DACH1: variants seen among roughly 807,000 people sequenced by gnomAD.
The protein encoded by DACH1 is dachshund homolog 1.
DACH1 carries 12 observed loss-of-function variants against 54.2 expected under a neutral mutation model. The observed-to-expected ratio is 0.22, with a 90% CI of 0.14 to 0.36. The LOEUF (loss-of-function observed/expected upper bound fraction) is 0.36, where lower values mean the gene tolerates loss of function less well. Among genes scored for constraint, DACH1 ranks in the 10% least tolerant of loss-of-function variants. The pLI is 1.00. For missense variants in DACH1, 805 were observed against 929.8 expected (o/e 0.87, Z 1.75); for synonymous variants, 386 against 366.2 (o/e 1.05, Z -0.62).
At position 71,848,206 on chromosome 13, in the gene DACH1, TC is replaced by T. The variant is rs542162367; in HGVS notation, c.848+17715del. Among the ~76,000 whole-genome samples, 896 of 122,156 alleles carry T rather than the reference TC, an allele frequency of 7.3e-3. 6 individuals are homozygous for T. The highest frequency in any genetic ancestry group is 0.031 in the African/African-American group (814 of 26,092). 80.1% of individuals were successfully genotyped at this position (122,156 alleles called of 152,430 possible). A position where few individuals can be genotyped will look rare whatever the true frequency, so the allele number is the denominator to read the frequency against. ...GTTACCATAGATACTGAAGCCATTA[TC>T]CCCCCCCAAAAAAATGGTATTTTTT... On this transcript the variant is annotated intron_variant, in intron 1 of 10. Coordinates refer to ENST00000613252, the MANE Select transcript of DACH1 (RefSeq NM_080759.6).
At chr13:71,627,335 C>CAAAAAAAAAA (rs1221837020) in intron 3 of DACH1, among the ~76,000 whole-genome samples, 1 of 70,104 alleles carries the variant, frequency 1.4e-5, no homozygotes, top group African/African-American at 4.4e-5. Flanking sequence ...AACGCTCTTA[C>CAAAAAAAAAA]AAAAAAAAAA....
At chr13:71,660,941 T>C (rs1879443184) in intron 2 of DACH1, among the ~76,000 whole-genome samples, 1 of 150,460 alleles carries the variant, frequency 6.6e-6, no homozygotes, top group Non-Finnish European at 1.5e-5. Flanking sequence ...TAACACTCTT[T>C]AGAGAGTATT....
intron 6 of DACH1, among the ~76,000 whole-genome samples, chr13:71,511,510 T>A (rs535941994): frequency 8.0e-4 from 121 of 152,030 alleles, no homozygotes; most frequent in African/African-American, 2.9e-3. Context: ...ATTTGTTTTA[T>A]TTACTAGAAA....
intron 3 of DACH1, among the ~76,000 whole-genome samples, chr13:71,592,513 A>AAAAAAAG (rs768010399): frequency 2.6e-4 from 38 of 145,846 alleles, no homozygotes; most frequent in African/African-American, 7.6e-4. Flanking sequence ...AAAAAAAAAA[A>AAAAAAAG]AAAAGAAAAG....
intron 6 of DACH1, among the ~76,000 whole-genome samples, chr13:71,515,231 A>G (rs1291879850): frequency 1.3e-5 from 2 of 151,908 alleles, no homozygotes; most frequent in South Asian, 4.1e-4. Context: ...TAAAAATGTT[A>G]ATGTGTTTAG....
At chr13:71,513,583 T>C (rs1397073835) in intron 6 of DACH1, among the ~76,000 whole-genome samples, 1 of 152,074 alleles carries the variant, frequency 6.6e-6, no homozygotes, top group East Asian at 1.9e-4. Flanking sequence ...AGATGTTAAA[T>C]GCAATGTAAA....
rs144158801 is a variant in DACH1, at chr13:71,735,597, C to CGT, written c.849-53689_849-53688dup. On this transcript the variant is annotated intron_variant, in intron 1 of 10. Coordinates refer to ENST00000613252, the MANE Select transcript of DACH1 (RefSeq NM_080759.6). ...GGGATATACGTGTATATGGGATATA[C>CGT]GTATATGGGATATACGTGTATATGG... Among the ~76,000 whole-genome samples the CGT allele has an allele frequency of 1.2e-3, 114 of 98,164 alleles. 4 individuals carry two copies. The highest frequency in any genetic ancestry group is 4.1e-3 in the African/African-American group (101 of 24,780). 64.4% of individuals were successfully genotyped at this position (98,164 alleles called of 152,430 possible). A position where few individuals can be genotyped will look rare whatever the true frequency, so the allele number is the denominator to read the frequency against.
intron 1 of DACH1, among the ~76,000 whole-genome samples, chr13:71,730,220 A>T (rs1200517592): frequency 6.6e-6 from 1 of 151,926 alleles, no homozygotes; most frequent in East Asian, 1.9e-4. Context: ...AAAAAAAGAG[A>T]AAAATAAAGA....
chr13:71,867,088 CTGT>C lies in DACH1; in HGVS notation c.-322_-320del, dbSNP rs1874883456. On this transcript the variant is annotated 5_prime_UTR_variant, in exon 1 of 11. Transcript: ENST00000613252. ...GTGGGGGTGGGGCGGGGAGGGTCGG[CTGT>C]TGTTGTGTGGGTCTCGCTCTAGCAC... 4.3e-6 allele frequency: 1 copy of C among 234,450 alleles called. No homozygotes were observed. Among genetic ancestry groups the C allele is most frequent in the Admixed American group, 5.7e-5 (1 of 17,580 alleles). The allele number at this position is 234,450 out of a possible 1,614,324, so 14.5% of individuals were successfully genotyped here. A position where few individuals can be genotyped will look rare whatever the true frequency, so the allele number is the denominator to read the frequency against.
chr13:71,775,126 G>GTTTTTT (rs1886009611), intron 1 of DACH1, among the ~76,000 whole-genome samples: 1 of 62,664 alleles, frequency 1.6e-5, no homozygotes, highest in Non-Finnish European at 3.2e-5. Flanking sequence ...CTCAACACAA[G>GTTTTTT]CTTTTTTTTT....
At chr13:71,604,275 A>C (rs1874720139) in intron 3 of DACH1, among the ~76,000 whole-genome samples, 1 of 152,000 alleles carries the variant, frequency 6.6e-6, no homozygotes, top group African/African-American at 2.4e-5. Context: ...CATATTTACT[A>C]TAAAAATACT....
chr13:71,741,030 A>C (rs987638917), intron 1 of DACH1, among the ~76,000 whole-genome samples: 1 of 152,128 alleles, frequency 6.6e-6, no homozygotes, highest in Non-Finnish European at 1.5e-5. Context: ...ATATACTCTC[A>C]AGATAAAACA....
chr13:71,865,320 C>T (rs1202179855), intron 1 of DACH1, among the ~76,000 whole-genome samples: 2 of 152,144 alleles, frequency 1.3e-5, no homozygotes, highest in African/African-American at 4.8e-5. Flanking sequence ...CGGGTCATTT[C>T]CCTCCCGACC....
chr13:71,823,829 T>G (rs1282450470), intron 1 of DACH1, among the ~76,000 whole-genome samples: 1 of 151,982 alleles, frequency 6.6e-6, no homozygotes, highest in Non-Finnish European at 1.5e-5. Context: ...GAAGGCTATT[T>G]GTCTTGACGT....
intron 1 of DACH1, among the ~76,000 whole-genome samples, chr13:71,860,765 T>C (rs1041640388): frequency 6.6e-6 from 1 of 151,962 alleles, no homozygotes; most frequent in Non-Finnish European, 1.5e-5. Context: ...ACAAAAGCAA[T>C]TGTATGAAGC....
chr13:71,857,556 C>A (rs2138281142), intron 1 of DACH1, among the ~76,000 whole-genome samples: 1 of 151,692 alleles, frequency 6.6e-6, no homozygotes, highest in African/African-American at 2.4e-5. Context: ...GCATAGAGTA[C>A]AAATGAGCTA....
At chr13:71,783,431 G>A (rs1886463577) in intron 1 of DACH1, among the ~76,000 whole-genome samples, 1 of 152,126 alleles carries the variant, frequency 6.6e-6, no homozygotes, top group South Asian at 2.1e-4. Flanking sequence ...CCCCGCTTAT[G>A]TTTTCCTATC....
chr13:71,471,822 A>C (rs1285288467), intron 10 of DACH1, among the ~76,000 whole-genome samples: 1 of 152,164 alleles, frequency 6.6e-6, no homozygotes, highest in Non-Finnish European at 1.5e-5. Flanking sequence ...AAGGAGAAGG[A>C]ATAAAATAAG....
chr13:71,477,826 G>A (rs2138179366), intron 8 of DACH1, among the ~76,000 whole-genome samples: 1 of 152,198 alleles, frequency 6.6e-6, no homozygotes, highest in South Asian at 2.1e-4. Context: ...GTGATACACT[G>A]CTTCAATAGG....
Sources: allele counts gnomAD v4.1 joint callset (sites outside exome capture counted in the v4.1 genomes callset), GRCh38; gene constraint gnomAD v4.1.1; transcripts MANE v1.5; gene names NCBI Gene and HGNC (gene_info 2026-07-23, HGNC 2026-07-21).